The following PCED1B variants were observed in gnomAD, a reference collection of about 807,000 sequenced individuals.
PCED1B encodes PC-esterase domain-containing protein 1B.
For synonymous variants in PCED1B, 251 were observed against 246.1 expected (o/e 1.02, Z -0.19); for missense variants, 573 against 573.9 (o/e 1.00, Z 0.02).
Position 47,145,026 on chromosome 12 carries a change from TAACCAG to T in PCED1B, c.-526+40832_-526+40837del, listed in dbSNP as rs546785325. On this transcript the variant is annotated intron_variant, in intron 2 of 3. Coordinates refer to ENST00000546455, the MANE Select transcript of PCED1B (RefSeq NM_138371.3). ...TGCAAGGCCTCTTGTGCCAAATAGT[TAACCAG>T]GTTGTAAATGCAAAAGAAAAATTCT... Among the ~76,000 whole-genome samples, 38 of 152,340 alleles carry T rather than the reference TAACCAG, an allele frequency of 2.5e-4. No individual in the cohort carries two copies. In the South Asian group the frequency reaches 7.7e-3, roughly 31 times the overall value.
At chr12:47,128,330 AG>A (rs1939981446) in intron 2 of PCED1B, among the ~76,000 whole-genome samples, 1 of 152,194 alleles carries the variant, frequency 6.6e-6, no homozygotes, top group African/African-American at 2.4e-5. Flanking sequence ...TCTATTTAAA[AG>A]TGTTTGAGGA....
Position 47,171,819 on chromosome 12 carries a change from C to CTCT in PCED1B, c.-525-44387_-525-44385dup, listed in dbSNP as rs757671090. Among the ~76,000 whole-genome samples the CTCT allele has an allele frequency of 3.5e-3, 518 of 149,966 alleles. 8 individuals are homozygous for CTCT. In the South Asian group the frequency reaches 0.04, roughly 12 times the overall value. ...TCTTCTTCTTCTTCTTTTTTTCTTC[C>CTCT]TCTTCTTCTTCTTCTTCTGCTGCTG... On this transcript the variant is annotated intron_variant, in intron 2 of 3. Transcript: ENST00000546455.
chr12:47,235,685 A>G lies in PCED1B; in HGVS notation c.622A>G (p.Asn208Asp), dbSNP rs1194551020. Reference protein sequence around the residue: ...FHSATEARKHNFDVLDLHFHF... With the variant: ...FHSATEARKHDFDVLDLHFHF... The stretch of plus-strand genomic sequence containing the variant: ...CAGCGCCACCGAGGCACGTAAACAT[A>G]ACTTCGATGTACTGGACTTGCATTT... Residue 208 changes from asparagine (N) to aspartate (D), a missense_variant, in exon 4 of 4, where the codon AAC (asparagine) becomes GAC (aspartate). Physicochemically the swap from Asn to Asp is conservative, Grantham distance 23. Transcript: ENST00000546455. The G allele has an allele frequency of 6.2e-7, 1 of 1,613,126 alleles. No individual in the cohort carries two copies. Among genetic ancestry groups the G allele is most frequent in the African/African-American group, 1.3e-5 (1 of 74,912 alleles).
chr12:47,130,783 G>A (rs1940091971), intron 2 of PCED1B, among the ~76,000 whole-genome samples: 1 of 152,138 alleles, frequency 6.6e-6, no homozygotes, highest in Admixed American at 6.5e-5. Context: ...TCAGTAGGAT[G>A]AACATTTTTA....
intron 3 of PCED1B, among the ~76,000 whole-genome samples, chr12:47,229,619 A>C (rs1021306743): frequency 2.0e-5 from 3 of 152,124 alleles, no homozygotes; most frequent in Non-Finnish European, 4.4e-5. Flanking sequence ...AATACTTTAA[A>C]TTTTGTGCAT....
At chr12:47,136,822 C>T (rs567256292) in intron 2 of PCED1B, among the ~76,000 whole-genome samples, 18 of 152,188 alleles carry the variant, frequency 1.2e-4, no homozygotes, top group African/African-American at 3.9e-4. Flanking sequence ...TCTACATATA[C>T]TAGAAGACAA....
In PCED1B at chr12:47,210,841, A is replaced by C. The variant is rs1592288984; in HGVS notation, c.-525-5381A>C. ...ATGTTAAGGAAAAGAGCACCCTAAAAGAAAAAGGAAGGTCAAAAAAAGTAA... is the reference window on the plus strand; with the variant it reads ...ATGTTAAGGAAAAGAGCACCCTAAACGAAAAAGGAAGGTCAAAAAAAGTAA... On this transcript the variant is annotated intron_variant, in intron 2 of 3. Transcript: ENST00000546455. 1.3e-5 allele frequency: 2 copies of C among 152,206 alleles called. 1 individual carries two copies. The highest frequency in any genetic ancestry group is 3.9e-4 in the East Asian group (2 of 5,194). The allele number at this position is 152,206 out of a possible 1,614,324, so 9.4% of individuals were successfully genotyped here.
chr12:47,135,995 G>A lies in PCED1B; in HGVS notation c.-526+31800G>A, dbSNP rs188495131. 311 of 157,908 alleles carry A rather than the reference G, an allele frequency of 2.0e-3. 1 individual carries two copies. The highest frequency in any genetic ancestry group is 3.2e-3 in the Middle Eastern group (1 of 312). The allele number at this position is 157,908 out of a possible 1,614,324, so 9.8% of individuals were successfully genotyped here. On this transcript the variant is annotated intron_variant, in intron 2 of 3. Transcript: ENST00000546455. ...ATAGATAAGAACAAGTTACTCTCCA[G>A]GAGAGCATTCAAAGTTACACTTCCA...
intron 2 of PCED1B, chr12:47,210,817 T>G (rs755017922): frequency 3.3e-5 from 5 of 151,744 alleles, no homozygotes; most frequent in African/African-American, 1.2e-4. Flanking sequence ...CAACAAACTA[T>G]GTTAAGGAAA....
In PCED1B at chr12:47,235,348, C is replaced by T; in HGVS notation, c.285C>T (p.Thr95=). Residue 95 remains threonine, a synonymous_variant, in exon 4 of 4, where the codon ACC becomes ACT. Coordinates refer to ENST00000546455, the MANE Select transcript of PCED1B (RefSeq NM_138371.3). The part of the protein sequence containing the change: ...DHHLVRFYFL[T]RVYSDYLQTI... The stretch of plus-strand genomic sequence containing the variant: ...ATCTGGTACGTTTTTACTTCCTCAC[C>T]CGCGTGTACTCCGATTACCTCCAGA... 6.2e-7 allele frequency: 1 copy of T among 1,614,130 alleles called. No individual in the cohort carries two copies. The highest frequency in any genetic ancestry group is 8.5e-7 in the Non-Finnish European group (1 of 1,180,038).
intron 2 of PCED1B, among the ~76,000 whole-genome samples, chr12:47,108,822 TG>T (rs1321334942): frequency 6.6e-6 from 1 of 152,212 alleles, no homozygotes; most frequent in Non-Finnish European, 1.5e-5. Flanking sequence ...TCTAGCAGTT[TG>T]GGAAGCCAAG....
intron 2 of PCED1B, among the ~76,000 whole-genome samples, chr12:47,159,029 TTAACA>T (rs2137492429): frequency 6.6e-6 from 1 of 152,180 alleles, no homozygotes; most frequent in South Asian, 2.1e-4. Context: ...TTTATCTCAC[TTAACA>T]TAAGTCCCAT....
chr12:47,214,646 C>CA (rs568624208), intron 2 of PCED1B, among the ~76,000 whole-genome samples: 9 of 148,240 alleles, frequency 6.1e-5, no homozygotes, highest in South Asian at 4.3e-4. Flanking sequence ...AATCTCAATT[C>CA]AAAAAAAAAG....
At chr12:47,175,899 T>C (rs1448320976) in intron 2 of PCED1B, among the ~76,000 whole-genome samples, 2 of 146,990 alleles carry the variant, frequency 1.4e-5, no homozygotes, top group Non-Finnish European at 3.0e-5. Context: ...TTTTATTTCT[T>C]TTTTTTTTTA....
chr12:47,146,320 C>A (rs1200821551), intron 2 of PCED1B, among the ~76,000 whole-genome samples: 1 of 152,128 alleles, frequency 6.6e-6, no homozygotes, highest in Non-Finnish European at 1.5e-5. Context: ...ATGCTGTGAA[C>A]GTTGTTGAAA....
chr12:47,121,203 A>G (rs1170378748), intron 2 of PCED1B, among the ~76,000 whole-genome samples: 1 of 152,232 alleles, frequency 6.6e-6, no homozygotes, highest in Non-Finnish European at 1.5e-5. Flanking sequence ...TATTCTTTAA[A>G]CACAAGGAAA....
chr12:47,217,630 G>A (rs559554196), intron 3 of PCED1B, among the ~76,000 whole-genome samples: 159 of 152,128 alleles, frequency 1.0e-3, no homozygotes, highest in Non-Finnish European at 2.1e-3. Flanking sequence ...AGGCTGGAGT[G>A]CAGTGGTGCT....
chr12:47,232,936 TATTTATTTA>T lies in PCED1B; in HGVS notation c.-57-2061_-57-2053del, dbSNP rs1565617641. Among the ~76,000 whole-genome samples, 6 of 151,454 alleles carry T rather than the reference TATTTATTTA, an allele frequency of 4.0e-5. No individual in the cohort carries two copies. In the South Asian group the frequency reaches 1.2e-3, roughly 31 times the overall value. ...TTATTTATTTATTTATTTATTTATT[TATTTATTTA>T]ATTTATTTAGAGATGGGGTCTCACT... On this transcript the variant is annotated intron_variant, in intron 3 of 3. Coordinates refer to ENST00000546455, the MANE Select transcript of PCED1B (RefSeq NM_138371.3).
At chr12:47,169,538 A>T (rs550054127) in intron 2 of PCED1B, among the ~76,000 whole-genome samples, 1 of 152,226 alleles carries the variant, frequency 6.6e-6, no homozygotes, top group South Asian at 2.1e-4. Context: ...TCTGTTTGTC[A>T]TTATTACTAT....
Sources: gnomAD v4.1 joint callset for allele counts (sites outside exome capture counted in the v4.1 genomes callset) on GRCh38, gnomAD v4.1.1 for gene constraint, MANE v1.5 for transcripts, NCBI Gene and HGNC (gene_info 2026-07-23, HGNC 2026-07-21) for gene names.